Variants in TIAM2 observed in about 807,000 individuals in gnomAD.
TIAM2 encodes rho guanine nucleotide exchange factor TIAM2.
TIAM2 carries 80 observed loss-of-function variants against 152.9 expected under a neutral mutation model. The ratio of observed to expected loss-of-function variants is 0.52; its 90% CI spans 0.44 to 0.63. The LOEUF is 0.63. Ranked by LOEUF, TIAM2 falls within the 30% of genes least tolerant of loss-of-function variation. The probability of loss-of-function intolerance (pLI) is 0.00; values close to 1 mark genes in which losing one functional copy is unlikely to be tolerated. For synonymous variants in TIAM2, 804 were observed against 838.0 expected, an observed-to-expected ratio of 0.96 and a Z score of 0.70; for missense variants, 1,965 against 2,120.1, an observed-to-expected ratio of 0.93 and a Z score of 1.44.
chr6:155,044,408 TG>T (rs567366097), intron 1 of TIAM2, among the ~76,000 whole-genome samples: 283 of 152,358 alleles, frequency 1.9e-3, no homozygotes, highest in Non-Finnish European at 3.1e-3. Flanking sequence ...ACAACTGGAC[TG>T]TTTTTTATTC....
At position 155,168,312 on chromosome 6, in the gene TIAM2, A is replaced by T. The variant is rs1288745981; in HGVS notation, c.2361+2903A>T. Among the ~76,000 whole-genome samples the T allele has an allele frequency of 2.6e-5, 4 of 152,334 alleles. 1 individual carries two copies. The South Asian group carries it at 6.2e-4, about 24-fold the overall frequency. ...TGTTGGTTCTGTTTCACACCTTCAG[A>T]AACATGTACTTTTTGGTTAAAAGCA... On this transcript the variant is annotated intron_variant, in intron 9 of 26. Coordinates refer to ENST00000682666, the MANE Select transcript of TIAM2 (RefSeq NM_012454.4).
intron 7 of TIAM2, among the ~76,000 whole-genome samples, chr6:155,151,738 T>TA (rs1488933838): frequency 6.6e-6 from 1 of 151,886 alleles, no homozygotes; most frequent in Non-Finnish European, 1.5e-5. Flanking sequence ...GGTGTATAGA[T>TA]ACAAGGGCCT....
intron 2 of TIAM2, among the ~76,000 whole-genome samples, chr6:155,123,622 C>G (rs1779224161): frequency 6.6e-6 from 1 of 152,206 alleles, no homozygotes; most frequent in Admixed American, 6.5e-5. Context: ...GAAACTTCCA[C>G]CTGGGAGTGA....
chr6:155,185,681 C>T (rs761350737), intron 14 of TIAM2, among the ~76,000 whole-genome samples: 3 of 152,120 alleles, frequency 2.0e-5, no homozygotes, highest in African/African-American at 4.8e-5. Context: ...CAGGCAGGCA[C>T]GGTGCTTGTC....
At chr6:155,015,329 C>T (rs1307747271) in intron 1 of TIAM2, among the ~76,000 whole-genome samples, 4 of 152,218 alleles carry the variant, frequency 2.6e-5, no homozygotes, top group Middle Eastern at 3.4e-3. Context: ...CTTCTGATTT[C>T]TGAGGTGTCA....
At chr6:155,211,155 T>G in intron 14 of TIAM2, 49 bp from the exon 15 acceptor site, 1 of 1,551,092 alleles carries the variant, frequency 6.4e-7, no homozygotes, top group Non-Finnish European at 8.8e-7. Context: ...GTGTTATTAT[T>G]CTCTGCAAAT....
rs182550062 is a variant in TIAM2 at position 155,134,927 on chromosome 6, G to A, written c.1195-2250G>A. The stretch of plus-strand genomic sequence containing the variant: ...TCACCGTGTTAGCCAGGATGGTCTC[G>A]ATCTCCTGACCTCATGATCTGCCCA... On this transcript the variant is annotated intron_variant, in intron 4 of 26. Coordinates refer to ENST00000682666, the MANE Select transcript of TIAM2 (RefSeq NM_012454.4). Among the ~76,000 whole-genome samples, 202 of 152,004 alleles carry A rather than the reference G, an allele frequency of 1.3e-3. 2 individuals carry two copies. Among genetic ancestry groups the A allele is most frequent in the Admixed American group, 5.7e-3 (87 of 15,270 alleles).
intron 14 of TIAM2, among the ~76,000 whole-genome samples, chr6:155,197,851 T>C (rs1781384165): frequency 6.6e-6 from 1 of 151,668 alleles, no homozygotes; most frequent in African/African-American, 2.4e-5. Context: ...CCAGGACAGG[T>C]GGGGATTATG....
At chr6:155,175,238 C>A (rs1227863191) in intron 9 of TIAM2, among the ~76,000 whole-genome samples, 1 of 152,196 alleles carries the variant, frequency 6.6e-6, no homozygotes, top group Non-Finnish European at 1.5e-5. Context: ...AATGTCACTT[C>A]AAAATTGAGC....
chr6:155,134,696 TTTTG>T (rs1288269774), intron 4 of TIAM2, among the ~76,000 whole-genome samples: 1 of 151,994 alleles, frequency 6.6e-6, no homozygotes, highest in Non-Finnish European at 1.5e-5. Context: ...TTTAGGAGTT[TTTTG>T]TTTTTTTGTT....
At position 155,159,369 on chromosome 6, in the gene TIAM2, T is replaced by C. The variant is rs538692137; in HGVS notation, c.2029-5046T>C. On this transcript the variant is annotated intron_variant, in intron 7 of 26. Coordinates refer to ENST00000682666, the MANE Select transcript of TIAM2 (RefSeq NM_012454.4). The stretch of plus-strand genomic sequence containing the variant: ...TGAGGATAGTGCACAGGTATCTTCC[T>C]ATGAGTCAGAAGACCTGGGAATCAG... Among the ~76,000 whole-genome samples, 12 of 152,320 alleles carry C rather than the reference T, an allele frequency of 7.9e-5. No homozygotes were observed. The South Asian group carries it at 1.9e-3, about 24-fold the overall frequency.
intron 9 of TIAM2, among the ~76,000 whole-genome samples, chr6:155,170,527 G>A (rs940891652): frequency 6.6e-6 from 1 of 152,134 alleles, no homozygotes; most frequent in African/African-American, 2.4e-5. Flanking sequence ...CTTGAGCCTG[G>A]GAGGCAGAGG....
chr6:155,024,286 C>T (rs911885994), intron 1 of TIAM2, among the ~76,000 whole-genome samples: 13 of 152,248 alleles, frequency 8.5e-5, no homozygotes, highest in African/African-American at 2.9e-4. Flanking sequence ...GGAATAACTG[C>T]CTTTCTTACT....
At chr6:155,088,760 A>G in intron 1 of TIAM2, among the ~76,000 whole-genome samples, 1 of 152,204 alleles carries the variant, frequency 6.6e-6, no homozygotes, top group Admixed American at 6.5e-5. Context: ...ATGCAGCCCA[A>G]CACAAATTCG....
At chr6:155,111,162 G>A (rs2115006915) in intron 2 of TIAM2, among the ~76,000 whole-genome samples, 1 of 152,172 alleles carries the variant, frequency 6.6e-6, no homozygotes, top group African/African-American at 2.4e-5. Context: ...ACCCCTGGAA[G>A]GTGGAAAAAG....
intron 1 of TIAM2, among the ~76,000 whole-genome samples, chr6:155,009,489 G>A (rs1778452862): frequency 6.6e-6 from 1 of 152,138 alleles, no homozygotes; most frequent in Admixed American, 6.5e-5. Context: ...ATCTGGGGCC[G>A]CATTTGGAGA....
intron 1 of TIAM2, among the ~76,000 whole-genome samples, chr6:155,011,552 A>G (rs1471513291): frequency 6.7e-6 from 1 of 149,180 alleles, no homozygotes; most frequent in Non-Finnish European, 1.5e-5. Flanking sequence ...GGTCATATTG[A>G]TCTATTTTTC....
intron 15 of TIAM2, among the ~76,000 whole-genome samples, chr6:155,227,263 G>C (rs764509984): frequency 4.5e-4 from 68 of 152,186 alleles, no homozygotes; most frequent in Non-Finnish European, 5.4e-4. Flanking sequence ...ATAAAGACTA[G>C]GCATGCGGAA....
In TIAM2 at chr6:155,254,511, A is replaced by C; in HGVS notation, c.4406A>C (p.Glu1469Ala). The change falls in exon 26 of 27, where the codon GAG (glutamate) becomes GCG (alanine). Residue 1469 changes from glutamate (E) to alanine (A), a missense_variant. By Grantham distance (107) the Glu-to-Ala change is moderately radical (BLOSUM62 -1). Transcript: ENST00000682666. ...RRHIKCELPL[E>A]KTCKDRLVPL... is the part of the protein sequence containing the mutation. ...CACATAAAGTGTGAATTACCACTGG[A>C]GAAAACGTGTAAGGATCGCCTGGTA... 6.2e-7 allele frequency: 1 copy of C among 1,614,190 alleles called. No individual in the cohort carries two copies. Among genetic ancestry groups the C allele is most frequent in the Non-Finnish European group, 8.5e-7 (1 of 1,180,008 alleles).
Sources: allele counts gnomAD v4.1 joint callset (sites outside exome capture counted in the v4.1 genomes callset), GRCh38; gene constraint gnomAD v4.1.1; transcripts MANE v1.5; gene names NCBI Gene and HGNC (gene_info 2026-07-23, HGNC 2026-07-21).